Variants in ZNF804B observed in about 807,000 individuals in gnomAD.
ZNF804B encodes zinc finger protein 804B.
In ZNF804B, 80 loss-of-function variants were observed where a neutral mutation model predicts 101.4. That is an observed-to-expected ratio of 0.79 (90% CI 0.66 to 0.95). ZNF804B has a LOEUF of 0.95. ZNF804B is among the 40% of genes least tolerant of loss of function. The pLI, the probability that ZNF804B is intolerant of heterozygous loss-of-function variation, is 0.00. For synonymous variants in ZNF804B, 622 were observed against 558.8 expected (o/e 1.11, Z -1.59); for missense variants, 1,673 against 1,561.9 (o/e 1.07, Z -1.20).
At chr7:89,320,178 C>T (rs1790797309) in intron 2 of ZNF804B, among the ~76,000 whole-genome samples, 2 of 151,584 alleles carry the variant, frequency 1.3e-5, no homozygotes, top group African/African-American at 4.9e-5. Context: ...GCACATGTAC[C>T]CCAGAACTTA....
intron 2 of ZNF804B, among the ~76,000 whole-genome samples, chr7:89,223,612 T>TATTG (rs1789038018): frequency 6.6e-6 from 1 of 150,426 alleles, no homozygotes; most frequent in South Asian, 2.1e-4. Flanking sequence ...TAAGATTATT[T>TATTG]ATTTATTTAT....
At chr7:88,912,783 A>G (rs1392645584) in intron 1 of ZNF804B, among the ~76,000 whole-genome samples, 1 of 152,146 alleles carries the variant, frequency 6.6e-6, no homozygotes, top group Non-Finnish European at 1.5e-5. Context: ...ATAACTTTAC[A>G]GTGTGGATTT....
chr7:88,842,747 AG>A (rs1010646299), intron 1 of ZNF804B, among the ~76,000 whole-genome samples: 2 of 152,348 alleles, frequency 1.3e-5, no homozygotes, highest in African/African-American at 4.8e-5. Flanking sequence ...TAAGAATTTA[AG>A]AAATAATTGC....
At chr7:88,960,539 TG>T (rs140691558) in intron 1 of ZNF804B, among the ~76,000 whole-genome samples, 8,960 of 151,194 alleles carry the variant, frequency 0.059, 654 homozygotes, top group African/African-American at 0.17. Context: ...GGATAAGAAA[TG>T]GGGCAAAGTA....
chr7:89,049,973 C>T (rs1402555384), intron 1 of ZNF804B, among the ~76,000 whole-genome samples: 1 of 152,148 alleles, frequency 6.6e-6, no homozygotes, highest in Non-Finnish European at 1.5e-5. Context: ...GATCATGCCA[C>T]TGCACTCCAG....
intron 1 of ZNF804B, among the ~76,000 whole-genome samples, chr7:89,029,552 C>T (rs912633858): frequency 6.6e-6 from 1 of 152,130 alleles, no homozygotes; most frequent in Non-Finnish European, 1.5e-5. Context: ...TCAAGTTGTT[C>T]ATCTGTAAAA....
At chr7:88,852,923 T>C (rs1215778995) in intron 1 of ZNF804B, among the ~76,000 whole-genome samples, 2 of 152,108 alleles carry the variant, frequency 1.3e-5, no homozygotes, top group Admixed American at 6.6e-5. Context: ...ATAGAAAAGA[T>C]ATAGCTTTTT....
At chr7:89,173,803 T>C (rs1043797669) in intron 1 of ZNF804B, among the ~76,000 whole-genome samples, 1 of 151,920 alleles carries the variant, frequency 6.6e-6, no homozygotes, top group Non-Finnish European at 1.5e-5. Flanking sequence ...CAAGCAAAAT[T>C]GGCCTATAGT....
intron 1 of ZNF804B, among the ~76,000 whole-genome samples, chr7:89,113,118 A>G (rs1790245515): frequency 6.6e-6 from 1 of 152,240 alleles, no homozygotes; most frequent in Admixed American, 6.5e-5. Context: ...TTGCCCTGGA[A>G]GGAACTATAG....
At chr7:88,798,871 C>G (rs1790532717) in intron 1 of ZNF804B, among the ~76,000 whole-genome samples, 1 of 152,042 alleles carries the variant, frequency 6.6e-6, no homozygotes, top group Non-Finnish European at 1.5e-5. Context: ...GATGGTGACT[C>G]AAGAGAACTC....
At chr7:89,171,353 T>C (rs200425121) in intron 1 of ZNF804B, among the ~76,000 whole-genome samples, 2,068 of 94,128 alleles carry the variant, frequency 0.022, 31 homozygotes, top group South Asian at 0.05. Context: ...CTTCTTCTTC[T>C]TCTTCCTCCT....
intron 1 of ZNF804B, among the ~76,000 whole-genome samples, chr7:88,857,817 CTTTTCTTTTTT>C: frequency 1.3e-5 from 1 of 74,334 alleles, no homozygotes; most frequent in East Asian, 3.2e-4. Context: ...CCTTTCCTTT[CTTTTCTTTTTT>C]TTTTTTTTTT....
At position 89,260,816 on chromosome 7, in the gene ZNF804B, G is replaced by A. The variant is rs140520782; in HGVS notation, c.249+42521G>A. ...TATCTTGTAAAAGTAGGCAGCTACAGCTGTATCGTATCAAGCAATTCAACT... is the reference window on the plus strand; with the variant it reads ...TATCTTGTAAAAGTAGGCAGCTACAACTGTATCGTATCAAGCAATTCAACT... On this transcript the variant is annotated intron_variant, in intron 2 of 3. Transcript: ENST00000333190. Among the ~76,000 whole-genome samples, 575 of 152,272 alleles carry A rather than the reference G, an allele frequency of 3.8e-3. 3 individuals are homozygous for A. The highest frequency in any genetic ancestry group is 0.013 in the African/African-American group (552 of 41,554).
At chr7:89,302,075 C>CATAATATATACATAAGCTTATA (rs60986842) in intron 2 of ZNF804B, among the ~76,000 whole-genome samples, 34,944 of 151,446 alleles carry the variant, frequency 0.23, 4,362 homozygotes, top group Admixed American at 0.28. Context: ...TATTATGAGA[C>CATAATATATACATAAGCTTATA]ATATATACAT....
chr7:88,862,785 G>A (rs572242267), intron 1 of ZNF804B, among the ~76,000 whole-genome samples: 11 of 151,658 alleles, frequency 7.3e-5, no homozygotes, highest in African/African-American at 1.7e-4. Flanking sequence ...CGATGTTTAC[G>A]CTGTCATTTT....
At chr7:88,956,316 C>T (rs1409527267) in intron 1 of ZNF804B, among the ~76,000 whole-genome samples, 2 of 151,502 alleles carry the variant, frequency 1.3e-5, no homozygotes, top group South Asian at 2.1e-4. Flanking sequence ...TAACAATTGC[C>T]AAGATATGGA....
intron 2 of ZNF804B, among the ~76,000 whole-genome samples, chr7:89,229,837 T>G (rs187862493): frequency 8.2e-4 from 125 of 152,264 alleles, no homozygotes; most frequent in African/African-American, 2.9e-3. Flanking sequence ...TTAAAAGTTT[T>G]TAAATAAAAA....
At chr7:88,954,528 C>G (rs1793273073) in intron 1 of ZNF804B, among the ~76,000 whole-genome samples, 1 of 146,256 alleles carries the variant, frequency 6.8e-6, no homozygotes, top group South Asian at 2.2e-4. Flanking sequence ...AATTAGCATG[C>G]TATAAGAGAA....
At chr7:88,793,452 G>T (rs1469189779) in intron 1 of ZNF804B, among the ~76,000 whole-genome samples, 2 of 152,056 alleles carry the variant, frequency 1.3e-5, no homozygotes, top group Admixed American at 6.6e-5. Flanking sequence ...AAATGATGTT[G>T]CATGGAGTAG....
Sources: allele counts gnomAD v4.1 joint callset (sites outside exome capture counted in the v4.1 genomes callset), GRCh38; gene constraint gnomAD v4.1.1; transcripts MANE v1.5; gene names NCBI Gene and HGNC (gene_info 2026-07-23, HGNC 2026-07-21).